CDH13: variants seen among roughly 807,000 people sequenced by gnomAD.
CDH13 encodes cadherin 13, also known as cadherin-13.
A neutral mutation model predicts 63.8 loss-of-function variants in CDH13; 24 were observed. The ratio of observed to expected loss-of-function variants is 0.38; its 90% CI spans 0.27 to 0.53. The LOEUF is 0.53. CDH13 is among the 20% of genes least tolerant of loss of function. CDH13 has a pLI of 0.85. For synonymous variants in CDH13, 503 were observed against 355.3 expected, an observed-to-expected ratio of 1.42 and a Z score of -4.67; for missense variants, 1,049 against 903.1, an observed-to-expected ratio of 1.16 and a Z score of -2.07.
intron 6 of CDH13, among the ~76,000 whole-genome samples, chr16:83,473,079 C>G (rs12924633): frequency 0.048 from 7,235 of 152,296 alleles, 192 homozygotes; most frequent in Non-Finnish European, 0.067. Flanking sequence ...CCTCTTAGAT[C>G]TCAATCCCAG....
chr16:83,552,877 G>A (rs573540059), intron 7 of CDH13, among the ~76,000 whole-genome samples: 7 of 152,214 alleles, frequency 4.6e-5, no homozygotes, highest in East Asian at 1.9e-4. Flanking sequence ...TCAGGAGTTC[G>A]AGACCAGCCT....
At chr16:83,626,505 A>G (rs369958470) in intron 8 of CDH13, among the ~76,000 whole-genome samples, 3 of 152,192 alleles carry the variant, frequency 2.0e-5, no homozygotes, top group African/African-American at 7.2e-5. Flanking sequence ...TCAGTGGACA[A>G]TATTTGAATG....
chr16:83,633,462 A>AAC (rs1464330826), intron 8 of CDH13, among the ~76,000 whole-genome samples: 2 of 152,242 alleles, frequency 1.3e-5, no homozygotes, highest in South Asian at 2.1e-4. Context: ...ACCGCTTTCT[A>AAC]ACAGTCTTTC....
At chr16:82,637,623 G>C (rs1908833657) in intron 1 of CDH13, 1 of 148,640 alleles carries the variant, frequency 6.7e-6, no homozygotes, top group Admixed American at 6.7e-5. Flanking sequence ...ATTTTTAGTA[G>C]AGACGGGTTT....
At position 83,080,885 on chromosome 16, in the gene CDH13, T is replaced by TG. The variant is rs1449323891; in HGVS notation, c.367-44500_367-44499insG. Reference sequence around the variant, plus strand: ...TTTGTTTTTGTGTTTTTTTTTTTTTTTTTTTTTTTTTTTGAGACAGAGTTT... The same window carrying TG: ...TTTGTTTTTGTGTTTTTTTTTTTTTTGTTTTTTTTTTTTTGAGACAGAGTTT... On this transcript the variant is annotated intron_variant, in intron 3 of 13. Transcript: ENST00000567109. Among the ~76,000 whole-genome samples the TG allele has an allele frequency of 1.8e-4, 22 of 120,466 alleles. 1 individual carries two copies. Among genetic ancestry groups the TG allele is most frequent in the African/African-American group, 6.8e-4 (21 of 31,030 alleles). The allele number at this position is 120,466 out of a possible 152,430, so 79.0% of individuals were successfully genotyped here.
chr16:83,226,887 A>G (rs1453209662), intron 5 of CDH13, among the ~76,000 whole-genome samples: 1 of 152,210 alleles, frequency 6.6e-6, no homozygotes, highest in Non-Finnish European at 1.5e-5. Context: ...GCCACCCATT[A>G]GCCATCTATA....
At chr16:83,382,250 A>G (rs574186264) in intron 6 of CDH13, among the ~76,000 whole-genome samples, 24 of 152,328 alleles carry the variant, frequency 1.6e-4, no homozygotes, top group Non-Finnish European at 3.1e-4. Context: ...GAAGACAAAA[A>G]TGAACATTGA....
intron 6 of CDH13, among the ~76,000 whole-genome samples, chr16:83,403,767 AG>A (rs768791552): frequency 1.3e-5 from 2 of 152,206 alleles, no homozygotes; most frequent in Non-Finnish European, 2.9e-5. Flanking sequence ...AACATCATAA[AG>A]CTCCTCCACC....
At chr16:83,516,852 T>G (rs1306627587) in intron 7 of CDH13, among the ~76,000 whole-genome samples, 1 of 152,232 alleles carries the variant, frequency 6.6e-6, no homozygotes, top group Non-Finnish European at 1.5e-5. Flanking sequence ...GATTCCCACC[T>G]TGTTGGGGAA....
At chr16:83,394,943 T>G (rs1299085986) in intron 6 of CDH13, among the ~76,000 whole-genome samples, 2 of 151,822 alleles carry the variant, frequency 1.3e-5, no homozygotes, top group East Asian at 1.9e-4. Context: ...TGGTCAGGTG[T>G]TTGAAACCAG....
intron 2 of CDH13, among the ~76,000 whole-genome samples, chr16:82,973,033 A>AATTTACTG (rs1203543200): frequency 6.6e-6 from 1 of 152,136 alleles, no homozygotes; most frequent in African/African-American, 2.4e-5. Flanking sequence ...AGAATCTCAG[A>AATTTACTG]ATTTACTGCC....
intron 5 of CDH13, among the ~76,000 whole-genome samples, chr16:83,320,323 G>C (rs1400478623): frequency 6.6e-6 from 1 of 152,046 alleles, no homozygotes; most frequent in East Asian, 1.9e-4. Flanking sequence ...TGGGATTACA[G>C]ATGTGAGTCA....
At chr16:83,225,260 G>T (rs1413377699) in intron 5 of CDH13, among the ~76,000 whole-genome samples, 1 of 152,182 alleles carries the variant, frequency 6.6e-6, no homozygotes, top group Non-Finnish European at 1.5e-5. Flanking sequence ...GATGACCTTT[G>T]AACCTGTTTC....
At chr16:82,671,903 GC>G (rs1913291343) in intron 1 of CDH13, among the ~76,000 whole-genome samples, 1 of 152,142 alleles carries the variant, frequency 6.6e-6, no homozygotes, top group African/African-American at 2.4e-5. Context: ...CCCCCTGCTG[GC>G]CAGCATCATT....
In CDH13 at chr16:83,497,303, C is replaced by T. The variant is rs942366817; in HGVS notation, c.960+10648C>T. On this transcript the variant is annotated intron_variant, in intron 7 of 13. Coordinates refer to ENST00000567109, the MANE Select transcript of CDH13 (RefSeq NM_001257.5). ...TAGACTGGATTAAGAAAATGTGGCA[C>T]ATATACACCATGGAATACTATGCAG... Among the ~76,000 whole-genome samples the T allele has an allele frequency of 3.9e-5, 6 of 151,942 alleles. No homozygotes were observed. In the East Asian group the frequency reaches 9.7e-4, roughly 24 times the overall value.
At chr16:83,031,891 A>T in intron 2 of CDH13, 119 bp from the exon 3 acceptor site, 2 of 779,702 alleles carry the variant, frequency 2.6e-6, no homozygotes, top group Non-Finnish European at 4.2e-6. Context: ...AAAACGTAAC[A>T]TTTGTGAACT....
At chr16:82,778,518 T>A (rs2035600250) in intron 1 of CDH13, among the ~76,000 whole-genome samples, 1 of 145,520 alleles carries the variant, frequency 6.9e-6, no homozygotes, top group Non-Finnish European at 1.5e-5. Context: ...CAAACTTTGC[T>A]TAAGACCTTG....
At chr16:83,036,698 C>G (rs913781457) in intron 3 of CDH13, among the ~76,000 whole-genome samples, 12 of 152,216 alleles carry the variant, frequency 7.9e-5, no homozygotes, top group African/African-American at 2.9e-4. Flanking sequence ...ACTCTGCATC[C>G]CTCTCCCTTG....
At chr16:83,432,160 C>G (rs1056836738) in intron 6 of CDH13, among the ~76,000 whole-genome samples, 2 of 152,156 alleles carry the variant, frequency 1.3e-5, no homozygotes, top group East Asian at 3.9e-4. Flanking sequence ...AGTTGCACAG[C>G]TGGAAATTTC....
Sources: allele counts gnomAD v4.1 joint callset (sites outside exome capture counted in the v4.1 genomes callset), GRCh38; gene constraint gnomAD v4.1.1; transcripts MANE v1.5; gene names NCBI Gene and HGNC (gene_info 2026-07-23, HGNC 2026-07-21).